Variants in PRKCA observed in about 807,000 individuals in gnomAD.
PRKCA encodes protein kinase C alpha type.
PRKCA carries 27 observed loss-of-function variants against 87.0 expected under a neutral mutation model. That is an observed-to-expected ratio of 0.31 (90% CI 0.23 to 0.43). The LOEUF (loss-of-function observed/expected upper bound fraction) is 0.43. PRKCA is among the 20% of genes least tolerant of loss of function. The pLI, the probability that PRKCA is intolerant of heterozygous loss-of-function variation, is 1.00. For missense variants in PRKCA, 518 were observed against 852.3 expected, an observed-to-expected ratio of 0.61 and a Z score of 4.88; for synonymous variants, 329 against 311.1, an observed-to-expected ratio of 1.06 and a Z score of -0.61.
intron 3 of PRKCA, among the ~76,000 whole-genome samples, chr17:66,576,562 G>C (rs1318662664): frequency 6.6e-6 from 1 of 152,234 alleles, no homozygotes; most frequent in African/African-American, 2.4e-5. Context: ...GGTGCTTGAG[G>C]ACTTTTTTCA....
chr17:66,580,936 C>T lies in PRKCA; in HGVS notation c.289-60419C>T, dbSNP rs149847082. Among the ~76,000 whole-genome samples, 30 of 152,114 alleles carry T rather than the reference C, an allele frequency of 2.0e-4. No individual in the cohort carries two copies. In the East Asian group the frequency reaches 5.2e-3, roughly 27 times the overall value. ...TTTAAGATGAGATTTGTTGCCCCCCCCCATGCTCGATTTATCCCATGTTCC... is the reference window on the plus strand; with the variant it reads ...TTTAAGATGAGATTTGTTGCCCCCCTCCATGCTCGATTTATCCCATGTTCC... On this transcript the variant is annotated intron_variant, in intron 3 of 16. Transcript: ENST00000413366.
chr17:66,490,015 A>C (rs1598715176), intron 2 of PRKCA, among the ~76,000 whole-genome samples: 1 of 152,094 alleles, frequency 6.6e-6, no homozygotes, highest in East Asian at 1.9e-4. Context: ...TCTTGACCTC[A>C]AGTGATCTGC....
chr17:66,687,475 C>G (rs983003120), intron 6 of PRKCA, among the ~76,000 whole-genome samples: 1 of 152,080 alleles, frequency 6.6e-6, no homozygotes, highest in Non-Finnish European at 1.5e-5. Context: ...ATAATTCAGG[C>G]CTCAGATTAT....
chr17:66,383,886 G>A (rs1909904789), intron 2 of PRKCA, among the ~76,000 whole-genome samples: 1 of 151,880 alleles, frequency 6.6e-6, no homozygotes, highest in African/African-American at 2.4e-5. Flanking sequence ...GGAGGCAGAG[G>A]TTGTAGTGAG....
chr17:66,777,771 C>T, intron 14 of PRKCA: 1 of 985,348 alleles, frequency 1.0e-6, no homozygotes, highest in Non-Finnish European at 1.2e-6. Context: ...GGAAACGAAG[C>T]CAGGATCTGT....
chr17:66,341,810 A>G (rs898918239), intron 2 of PRKCA, among the ~76,000 whole-genome samples: 2 of 152,202 alleles, frequency 1.3e-5, no homozygotes, highest in Non-Finnish European at 2.9e-5. Flanking sequence ...TGTATTTTGC[A>G]TGTTACTGTA....
chr17:66,625,148 G>T (rs927731813), intron 3 of PRKCA, among the ~76,000 whole-genome samples: 3 of 152,186 alleles, frequency 2.0e-5, no homozygotes, highest in Non-Finnish European at 4.4e-5. Context: ...TCCTCTTACG[G>T]ATACCAATTA....
intron 3 of PRKCA, among the ~76,000 whole-genome samples, chr17:66,560,538 G>A (rs1024755582): frequency 6.6e-6 from 1 of 151,802 alleles, no homozygotes; most frequent in Non-Finnish European, 1.5e-5. Context: ...CCAACTCCAG[G>A]CCAGCTGCTG....
Position 66,805,143 on chromosome 17 carries a change from G to C in PRKCA, c.*1106G>C, listed in dbSNP as rs367694082. On this transcript the variant is annotated 3_prime_UTR_variant, in exon 17 of 17. Transcript: ENST00000413366. ...TCCACTTAGGGATAAAAAGAATATG[G>C]TTTTGGTTCCCATTTCTAGTTCACG... is the stretch of plus-strand genomic sequence containing the variant. 19 of 983,030 alleles carry C rather than the reference G, an allele frequency of 1.9e-5. No homozygotes were observed. The highest frequency in any genetic ancestry group is 2.3e-5 in the Non-Finnish European group (19 of 827,712). 60.9% of individuals were successfully genotyped at this position (983,030 alleles called of 1,614,324 possible). A position where few individuals can be genotyped will look rare whatever the true frequency, so the allele number is the denominator to read the frequency against.
At chr17:66,344,537 A>G (rs1283670391) in intron 2 of PRKCA, among the ~76,000 whole-genome samples, 1 of 152,160 alleles carries the variant, frequency 6.6e-6, no homozygotes, top group Non-Finnish European at 1.5e-5. Context: ...AAAAACAGTT[A>G]GTTGTTATTA....
chr17:66,572,096 A>G (rs747492443), intron 3 of PRKCA, among the ~76,000 whole-genome samples: 1 of 152,200 alleles, frequency 6.6e-6, no homozygotes, highest in Non-Finnish European at 1.5e-5. Context: ...TAAGTGCGTA[A>G]TACCTCTAGA....
At chr17:66,414,276 G>A (rs943741337) in intron 2 of PRKCA, among the ~76,000 whole-genome samples, 4 of 152,128 alleles carry the variant, frequency 2.6e-5, no homozygotes, top group African/African-American at 9.7e-5. Flanking sequence ...CCTTGGTGCT[G>A]TGAGTGAGTT....
At chr17:66,484,437 G>A (rs915385070) in intron 2 of PRKCA, among the ~76,000 whole-genome samples, 2 of 152,188 alleles carry the variant, frequency 1.3e-5, no homozygotes, top group African/African-American at 2.4e-5. Flanking sequence ...TGAGAAAGGT[G>A]ATTGTTGTCA....
At chr17:66,368,272 C>G in intron 2 of PRKCA, among the ~76,000 whole-genome samples, 1 of 149,252 alleles carries the variant, frequency 6.7e-6, no homozygotes, top group African/African-American at 2.5e-5. Flanking sequence ...GAGCAAATCC[C>G]TTAGCCTATA....
chr17:66,363,087 G>C (rs1908492345), intron 2 of PRKCA, among the ~76,000 whole-genome samples: 2 of 152,152 alleles, frequency 1.3e-5, no homozygotes, highest in African/African-American at 4.8e-5. Context: ...AAGTTTTAAA[G>C]TGCCCCAAAC....
At chr17:66,495,657 A>AT (rs1472656156) in intron 2 of PRKCA, among the ~76,000 whole-genome samples, 2 of 151,782 alleles carry the variant, frequency 1.3e-5, no homozygotes, top group Non-Finnish European at 2.9e-5. Context: ...CGTTCAAGCG[A>AT]TTATCCTGCC....
intron 16 of PRKCA, among the ~76,000 whole-genome samples, chr17:66,800,969 G>A (rs1975886681): frequency 6.6e-6 from 1 of 152,326 alleles, no homozygotes; most frequent in Middle Eastern, 3.4e-3. Flanking sequence ...CCCAGCCTCT[G>A]GGAGCCCTGA....
intron 5 of PRKCA, among the ~76,000 whole-genome samples, chr17:66,671,216 A>AAAG (rs1246949710): frequency 2.7e-5 from 4 of 146,340 alleles, no homozygotes; most frequent in Admixed American, 2.0e-4. Flanking sequence ...TCTCAAAAAA[A>AAAG]AAAAAAAAAA....
intron 2 of PRKCA, among the ~76,000 whole-genome samples, chr17:66,310,674 A>G (rs1214681472): frequency 6.6e-6 from 1 of 152,080 alleles, no homozygotes; most frequent in South Asian, 2.1e-4. Context: ...TTAAGGGAAG[A>G]AAAAAAAGAA....
Sources: allele counts gnomAD v4.1 joint callset (sites outside exome capture counted in the v4.1 genomes callset), GRCh38; gene constraint gnomAD v4.1.1; transcripts MANE v1.5; gene names NCBI Gene and HGNC (gene_info 2026-07-23, HGNC 2026-07-21).